COL25A1: variants seen among roughly 807,000 people sequenced by gnomAD.
The protein encoded by COL25A1 is collagen type XXV alpha 1 chain.
A neutral mutation model predicts 128.4 loss-of-function variants in COL25A1; 103 were observed. The observed-to-expected ratio is 0.80, with a 90% CI of 0.68 to 0.94. COL25A1 has a LOEUF of 0.94. Ranked by LOEUF, COL25A1 falls within the 40% of genes least tolerant of loss-of-function variation. The pLI, the probability that COL25A1 is intolerant of heterozygous loss-of-function variation, is 0.00. For missense variants in COL25A1, 745 were observed against 840.0 expected (o/e 0.89, Z 1.40); for synonymous variants, 279 against 277.2 (o/e 1.01, Z -0.06).
intron 11 of COL25A1, among the ~76,000 whole-genome samples, chr4:108,937,076 G>C (rs1380336154): frequency 6.6e-6 from 1 of 152,044 alleles, no homozygotes; most frequent in Admixed American, 6.6e-5. Context: ...TCCAGGATGA[G>C]TGTGAGCCGT....
Position 109,229,943 on chromosome 4 carries a change from C to T in COL25A1, c.367+70640G>A, listed in dbSNP as rs549185777. On this transcript the variant is annotated intron_variant, in intron 3 of 37. Transcript: ENST00000399132. ...GCATCTGCTTCTGGGGCACCTCCCT[C>T]AGGGAGCTTTTACTCATGGTGGAAG... 4.6e-5 allele frequency among the ~76,000 whole-genome samples: 7 copies of T among 152,270 alleles called. No individual in the cohort carries two copies. In the East Asian group the frequency reaches 7.7e-4, roughly 17 times the overall value.
At chr4:108,877,010 C>G (rs1027114316) in intron 19 of COL25A1, among the ~76,000 whole-genome samples, 1 of 152,160 alleles carries the variant, frequency 6.6e-6, no homozygotes, top group African/African-American at 2.4e-5. Context: ...TGGCAACTAA[C>G]CTGGGGTTCA....
At chr4:108,945,551 T>C (rs1748627409) in intron 8 of COL25A1, among the ~76,000 whole-genome samples, 1 of 147,056 alleles carries the variant, frequency 6.8e-6, no homozygotes. Flanking sequence ...TTTTGCATCT[T>C]AGAAAATTTG....
chr4:109,232,281 T>C (rs867966156), intron 3 of COL25A1, among the ~76,000 whole-genome samples: 35 of 152,302 alleles, frequency 2.3e-4, no homozygotes, highest in South Asian at 4.1e-4. Context: ...ATCATACGAA[T>C]TGATTTTCTA....
intron 3 of COL25A1, among the ~76,000 whole-genome samples, chr4:109,127,779 C>T (rs1768769317): frequency 6.6e-6 from 1 of 152,124 alleles, no homozygotes; most frequent in Non-Finnish European, 1.5e-5. Flanking sequence ...AGACAACGAA[C>T]CTCGGGTAGT....
At chr4:109,233,434 G>C (rs568952051) in intron 3 of COL25A1, among the ~76,000 whole-genome samples, 10 of 152,028 alleles carry the variant, frequency 6.6e-5, no homozygotes, top group Non-Finnish European at 1.0e-4. Flanking sequence ...CAAACATCAG[G>C]AAACAGAGAT....
At chr4:109,277,428 T>C (rs975221715) in intron 3 of COL25A1, among the ~76,000 whole-genome samples, 3 of 152,170 alleles carry the variant, frequency 2.0e-5, no homozygotes, top group African/African-American at 7.2e-5. Flanking sequence ...AGAGTGGGGC[T>C]AGGGTGGGAG....
chr4:108,981,546 A>T (rs1752973324), intron 6 of COL25A1, among the ~76,000 whole-genome samples: 2 of 152,044 alleles, frequency 1.3e-5, no homozygotes, highest in South Asian at 4.1e-4. Flanking sequence ...TAAAAAAGTT[A>T]AAAAAAAGTG....
chr4:109,218,422 G>A (rs1049354719), intron 3 of COL25A1, among the ~76,000 whole-genome samples: 2 of 112,570 alleles, frequency 1.8e-5, no homozygotes, highest in African/African-American at 6.7e-5. Flanking sequence ...AGCTTAAAAA[G>A]AGAAGCCCCA....
In COL25A1 at chr4:109,091,521, G is replaced by C. The variant is rs539296924; in HGVS notation, c.368-41342C>G. ...TTTCATCCAAATCGTCTCTGTGTGT[G>C]TGTGTGTCTGTCTATCTAGCCTATA... On this transcript the variant is annotated intron_variant, in intron 3 of 37. Transcript: ENST00000399132. Among the ~76,000 whole-genome samples the C allele has an allele frequency of 1.9e-4, 29 of 152,208 alleles. No homozygotes were observed. The South Asian group carries it at 5.8e-3, about 30-fold the overall frequency.
At position 109,302,193 on chromosome 4, in the gene COL25A1, C is replaced by G; in HGVS notation, c.-81G>C. 1.3e-6 allele frequency: 1 copy of G among 795,896 alleles called. No individual in the cohort carries two copies. The highest frequency in any genetic ancestry group is 1.9e-6 in the Non-Finnish European group (1 of 522,692). The allele number at this position is 795,896 out of a possible 1,614,324, so 49.3% of individuals were successfully genotyped here. On this transcript the variant is annotated 5_prime_UTR_variant, in exon 1 of 38. Coordinates refer to ENST00000399132, the MANE Select transcript of COL25A1 (RefSeq NM_198721.4). ...CCCCTGCCTTGCTCAGCGTCCAGAC[C>G]CGCAGGCGTGCACCATCCCCGCTTT...
In COL25A1 at chr4:108,844,518, C is replaced by T; in HGVS notation, c.1629+1G>A. ...ACATTTCAGAAAGAAGGGAAACTTA[C>T]CATGGGGCCAGGTGGGCCATGGGGA... On this transcript the variant is annotated splice_donor_variant, in intron 30 of 37. Transcript: ENST00000399132. LOFTEE classifies it high-confidence loss of function. 1.2e-6 allele frequency: 2 copies of T among 1,614,084 alleles called. No homozygotes were observed. The highest frequency in any genetic ancestry group is 8.5e-7 in the Non-Finnish European group (1 of 1,179,974).
intron 3 of COL25A1, among the ~76,000 whole-genome samples, chr4:109,096,050 T>C (rs4632736): frequency 0.098 from 14,989 of 152,208 alleles, 992 homozygotes; most frequent in East Asian, 0.28. Flanking sequence ...GAATGACGGG[T>C]TAGACAGCTA....
intron 17 of COL25A1, 82 bp from the exon 18 acceptor site, chr4:108,889,338 G>A (rs1366425430): frequency 2.3e-6 from 3 of 1,314,330 alleles, no homozygotes; most frequent in African/African-American, 1.5e-5. Flanking sequence ...ACCATCACAG[G>A]GATGGCCTAG....
At chr4:108,864,285 C>T (rs867187635) in intron 20 of COL25A1, among the ~76,000 whole-genome samples, 1 of 152,182 alleles carries the variant, frequency 6.6e-6, no homozygotes, top group Admixed American at 6.5e-5. Flanking sequence ...TTTCATTCTG[C>T]AGTCACTTTT....
At chr4:109,012,396 G>A (rs1489990806) in intron 5 of COL25A1, among the ~76,000 whole-genome samples, 4 of 125,000 alleles carry the variant, frequency 3.2e-5, no homozygotes, top group Admixed American at 8.4e-5. Context: ...CCTTCAGCCC[G>A]CCACTGCACT....
At chr4:108,874,213 T>C (rs964728440) in intron 19 of COL25A1, among the ~76,000 whole-genome samples, 1 of 152,154 alleles carries the variant, frequency 6.6e-6, no homozygotes, top group African/African-American at 2.4e-5. Flanking sequence ...TCAGACTTCA[T>C]AAAAATGAGC....
rs1405621330 is a variant in COL25A1 at position 109,069,132 on chromosome 4, A to AT, written c.368-18954dup. Among the ~76,000 whole-genome samples the AT allele has an allele frequency of 5.3e-5, 8 of 151,030 alleles. No homozygotes were observed. The East Asian group carries it at 1.2e-3, about 22-fold the overall frequency. ...TATTTAAATATTTTAAACTTTAAAA[A>AT]TTTTTTTTTGGCTGAGCAGAAAACT... is the stretch of plus-strand genomic sequence containing the variant. On this transcript the variant is annotated intron_variant, in intron 3 of 37. Coordinates refer to ENST00000399132, the MANE Select transcript of COL25A1 (RefSeq NM_198721.4).
At chr4:108,866,685 A>C (rs1272755428) in intron 20 of COL25A1, among the ~76,000 whole-genome samples, 2 of 152,238 alleles carry the variant, frequency 1.3e-5, no homozygotes, top group African/African-American at 4.8e-5. Context: ...GACTGTCTAC[A>C]CAAGTGGAAG....
Sources: gnomAD v4.1 joint callset for allele counts (sites outside exome capture counted in the v4.1 genomes callset) on GRCh38, gnomAD v4.1.1 for gene constraint, MANE v1.5 for transcripts, NCBI Gene and HGNC (gene_info 2026-07-23, HGNC 2026-07-21) for gene names.